The following PIK3CA variants were observed in gnomAD, a reference collection of about 807,000 sequenced individuals.
PIK3CA encodes phosphatidylinositol-4,5-bisphosphate 3-kinase catalytic subunit alpha, also known as phosphatidylinositol 4,5-bisphosphate 3-kinase catalytic subunit alpha isoform.
PIK3CA carries 27 observed loss-of-function variants against 138.2 expected under a neutral mutation model. That is an observed-to-expected ratio of 0.20 (90% confidence interval 0.14 to 0.27). The LOEUF (loss-of-function observed/expected upper bound fraction) is 0.27. Ranked by LOEUF, PIK3CA falls within the 10% of genes least tolerant of loss-of-function variation. PIK3CA has a pLI of 1.00. For synonymous variants in PIK3CA, 358 were observed against 413.2 expected (o/e 0.87, Z 1.62); for missense variants, 544 against 1,277.4 (o/e 0.43, Z 8.75).
At chr3:179,160,478 C>A (rs1466289756) in intron 1 of PIK3CA, among the ~76,000 whole-genome samples, 1 of 152,132 alleles carries the variant, frequency 6.6e-6, no homozygotes, top group Non-Finnish European at 1.5e-5. Flanking sequence ...CTGTAGTGCC[C>A]AACCAAAGAA....
At chr3:179,148,172 G>C (rs529801433), upstream of PIK3CA, 12 of 152,140 alleles carry the variant, frequency 7.9e-5, no homozygotes, top group Admixed American at 2.0e-4. Context: ...GCCGGAGGAG[G>C]GGGGGGGCCG....
chr3:179,227,298 A>G (rs111719403), intron 17 of PIK3CA, among the ~76,000 whole-genome samples: 7,749 of 152,048 alleles, frequency 0.051, 211 homozygotes, highest in Non-Finnish European at 0.057. Context: ...GTTTATTTTA[A>G]CCCTGCTTCT....
chr3:179,197,133 G>A (rs1031274746), intron 1 of PIK3CA, among the ~76,000 whole-genome samples: 6 of 152,192 alleles, frequency 3.9e-5, no homozygotes, highest in African/African-American at 1.4e-4. Flanking sequence ...CTGCCTCCCA[G>A]GTTTAAGTGA....
At chr3:179,199,961 A>G (rs1203923905) in intron 3 of PIK3CA, 62 bp downstream of exon 3, 1 of 1,010,508 alleles carries the variant, frequency 9.9e-7, no homozygotes, top group Non-Finnish European at 1.5e-6. Context: ...CTGTGTCTAT[A>G]TCTTTGTATA....
chr3:179,194,420 T>C (rs1473100036), intron 1 of PIK3CA, among the ~76,000 whole-genome samples: 1 of 152,112 alleles, frequency 6.6e-6, no homozygotes, highest in Admixed American at 6.5e-5. Flanking sequence ...AGATGGGGTC[T>C]TGAGCCCAGG....
At chr3:179,159,247 G>GA (rs1304111470) in intron 1 of PIK3CA, among the ~76,000 whole-genome samples, 5 of 152,110 alleles carry the variant, frequency 3.3e-5, no homozygotes, top group African/African-American at 1.2e-4. Flanking sequence ...TATGTACAAT[G>GA]AAAAAATAAC....
chr3:179,210,675 A>C (rs1724688418), intron 9 of PIK3CA, 110 bp downstream of exon 9: 2 of 993,650 alleles, frequency 2.0e-6, no homozygotes, highest in Non-Finnish European at 3.0e-6. Context: ...GATACTATGA[A>C]CTCTAGGACC....
Position 179,210,265 on chromosome 3 carries a change from A to C in PIK3CA, c.1331A>C (p.Asn444Thr). Residue 444 changes from asparagine (N) to threonine (T), a missense_variant, in exon 8 of 21, where the codon AAT becomes ACT. By Grantham distance (65) the Asn-to-Thr change is moderately conservative (BLOSUM62 0). This residue lies in a region of PIK3CA where 234 missense variants were observed against 401.3 expected (regional missense o/e 0.58). Transcript: ENST00000263967. ...DTLVSGKMAL[N>T]LWPVPHGLED... is the part of the protein sequence containing the mutation. Reference sequence around the variant, plus strand: ...CTAGTATCTGGAAAAATGGCTTTGAATCTTTGGCCAGTACCTCATGGATTA... The same window carrying C: ...CTAGTATCTGGAAAAATGGCTTTGACTCTTTGGCCAGTACCTCATGGATTA... 4 of 1,596,444 alleles carry C rather than the reference A, an allele frequency of 2.5e-6. No individual in the cohort carries two copies. The highest frequency in any genetic ancestry group is 3.4e-6 in the Non-Finnish European group (4 of 1,175,984).
chr3:179,171,084 TATATG>T (rs1322218780), intron 1 of PIK3CA, among the ~76,000 whole-genome samples: 3 of 152,090 alleles, frequency 2.0e-5, no homozygotes, highest in African/African-American at 7.2e-5. Flanking sequence ...GAATTGAAAT[TATATG>T]GTATGTTTTG....
rs564436312 is a variant in PIK3CA at position 179,215,903 on chromosome 3, C to T, written c.1540-2307C>T. 3.9e-5 allele frequency among the ~76,000 whole-genome samples: 6 copies of T among 152,236 alleles called. No individual in the cohort carries two copies. The East Asian group carries it at 5.8e-4, about 15-fold the overall frequency. On this transcript the variant is annotated intron_variant, in intron 9 of 20. Coordinates refer to ENST00000263967, the MANE Select transcript of PIK3CA (RefSeq NM_006218.4). Reference sequence around the variant, plus strand: ...CAACCTCAGCACTATTGACATTTTGCGCCAAATAATTCTTTGTTGTAGGAG... The same window carrying T: ...CAACCTCAGCACTATTGACATTTTGTGCCAAATAATTCTTTGTTGTAGGAG...
rs552985331 is a variant in PIK3CA, at chr3:179,170,399, A to T, written c.-77+21796A>T. 3.3e-5 allele frequency among the ~76,000 whole-genome samples: 5 copies of T among 152,250 alleles called. No homozygotes were observed. The East Asian group carries it at 9.6e-4, about 29-fold the overall frequency. The stretch of plus-strand genomic sequence containing the variant: ...GTAACGGAGTGAATTCTAGTGGGGG[A>T]CATTGGAGGGGATATAGAAATACGT... On this transcript the variant is annotated intron_variant, in intron 1 of 20. Coordinates refer to ENST00000263967, the MANE Select transcript of PIK3CA (RefSeq NM_006218.4).
chr3:179,182,180 AAC>A (rs1723864153), intron 1 of PIK3CA, among the ~76,000 whole-genome samples: 1 of 149,962 alleles, frequency 6.7e-6, no homozygotes, highest in Non-Finnish European at 1.5e-5. Flanking sequence ...CATGAATCAT[AAC>A]ATGTGAAGCA....
intron 1 of PIK3CA, among the ~76,000 whole-genome samples, chr3:179,185,385 C>T (rs1723950704): frequency 6.6e-6 from 1 of 152,214 alleles, no homozygotes; most frequent in Admixed American, 6.5e-5. Context: ...TCTCACACTA[C>T]AATAATCAAC....
chr3:179,218,952 G>A (rs1724903974), intron 10 of PIK3CA, among the ~76,000 whole-genome samples: 1 of 152,010 alleles, frequency 6.6e-6, no homozygotes, highest in Admixed American at 6.6e-5. Flanking sequence ...TTAACTAAAT[G>A]TAAGTACTTA....
chr3:179,196,808 G>C (rs1247547873), intron 1 of PIK3CA, among the ~76,000 whole-genome samples: 1 of 152,118 alleles, frequency 6.6e-6, no homozygotes, highest in Non-Finnish European at 1.5e-5. Flanking sequence ...TAGGGGGCAG[G>C]CATCAATTCA....
chr3:179,211,390 G>C (rs1724705814), intron 9 of PIK3CA, among the ~76,000 whole-genome samples: 1 of 152,160 alleles, frequency 6.6e-6, no homozygotes, highest in Non-Finnish European at 1.5e-5. Flanking sequence ...TGCTATGTAG[G>C]CTGGGTGCAG....
chr3:179,149,939 A>C (rs1722967514), intron 1 of PIK3CA, among the ~76,000 whole-genome samples: 1 of 152,194 alleles, frequency 6.6e-6, no homozygotes, highest in Admixed American at 6.5e-5. Context: ...TGGATAAATC[A>C]AAACACTTTG....
In PIK3CA at chr3:179,210,466, C is replaced by T. The variant is rs2108401337; in HGVS notation, c.1440C>T (p.Phe480=). ...GCTTAGAGTTGGAGTTTGACTGGTT[C>T]AGCAGTGTGGTAAAGTTCCCAGATA... is the stretch of plus-strand genomic sequence containing the variant. ...TPCLELEFDW[F]SSVVKFPDMS... is the part of the protein sequence containing the mutation. Residue 480 remains phenylalanine (F), a synonymous_variant, in exon 9 of 21, where the codon TTC becomes TTT. Coordinates refer to ENST00000263967, the MANE Select transcript of PIK3CA (RefSeq NM_006218.4). 1 of 1,613,990 alleles carries T rather than the reference C, an allele frequency of 6.2e-7. No individual in the cohort carries two copies. The highest frequency in any genetic ancestry group is 8.5e-7 in the Non-Finnish European group (1 of 1,179,914).
chr3:179,194,377 C>A (rs990530963), intron 1 of PIK3CA, among the ~76,000 whole-genome samples: 2 of 152,116 alleles, frequency 1.3e-5, no homozygotes, highest in African/African-American at 2.4e-5. Flanking sequence ...GCATGTGCCA[C>A]CACACCTAGC....
Sources: gnomAD v4.1 joint callset for allele counts (sites outside exome capture counted in the v4.1 genomes callset) on GRCh38, gnomAD v4.1.1 for gene constraint, gnomAD v4.1.1 regional missense constraint, MANE v1.5 for transcripts, NCBI Gene and HGNC (gene_info 2026-07-23, HGNC 2026-07-21) for gene names.